Variants in HIVEP2 observed in about 807,000 individuals in gnomAD.
HIVEP2 encodes the protein HIVEP zinc finger 2.
A neutral mutation model predicts 180.7 loss-of-function variants in HIVEP2; 14 were observed. The observed-to-expected ratio is 0.08, with a 90% CI of 0.05 to 0.12. The LOEUF (loss-of-function observed/expected upper bound fraction) is 0.12, where lower values mean the gene tolerates loss of function less well. Among genes scored for constraint, HIVEP2 ranks in the 10% least tolerant of loss-of-function variants. The pLI is 1.00. For synonymous variants in HIVEP2, 1,184 were observed against 1,136.4 expected, an observed-to-expected ratio of 1.04 and a Z score of -0.84; for missense variants, 2,579 against 3,008.5, an observed-to-expected ratio of 0.86 and a Z score of 3.34.
chr6:142,806,480 T>G (rs913748243), intron 2 of HIVEP2, among the ~76,000 whole-genome samples: 1 of 152,184 alleles, frequency 6.6e-6, no homozygotes, highest in Non-Finnish European at 1.5e-5. Context: ...TACTTAATAT[T>G]GGGAATGTCT....
intron 1 of HIVEP2, among the ~76,000 whole-genome samples, chr6:142,864,007 G>A (rs569411814): frequency 1.3e-5 from 2 of 152,308 alleles, no homozygotes; most frequent in South Asian, 2.1e-4. Context: ...ATATGTGTGT[G>A]TTAGCAATTT....
At chr6:142,880,789 G>T (rs1162238380) in intron 1 of HIVEP2, among the ~76,000 whole-genome samples, 1 of 152,034 alleles carries the variant, frequency 6.6e-6, no homozygotes, top group Non-Finnish European at 1.5e-5. Context: ...CAATGCCTTG[G>T]CACAATTTGA....
At position 142,754,270 on chromosome 6, in the gene HIVEP2, C is replaced by CAA. The variant is rs34687776; in HGVS notation, c.6517-341_6517-340dup. ...TGAAAAGAAATTAATGGATAATTGG[C>CAA]AAAAAAAAAAAGTTTACTGAGCAAA... On this transcript the variant is annotated intron_variant, in intron 9 of 9. Coordinates refer to ENST00000367603, the MANE Select transcript of HIVEP2 (RefSeq NM_006734.4). Among the ~76,000 whole-genome samples, 825 of 132,878 alleles carry CAA rather than the reference C, an allele frequency of 6.2e-3. 5 individuals carry two copies. Among genetic ancestry groups the CAA allele is most frequent in the African/African-American group, 7.5e-3 (269 of 35,906 alleles). 87.2% of individuals were successfully genotyped at this position (132,878 alleles called of 152,430 possible).
intron 1 of HIVEP2, among the ~76,000 whole-genome samples, chr6:142,874,529 G>A (rs2128413231): frequency 6.6e-6 from 1 of 152,142 alleles, no homozygotes; most frequent in South Asian, 2.1e-4. Flanking sequence ...CTATCACCAA[G>A]GAGGTTCAAA....
At position 142,770,575 on chromosome 6, in the gene HIVEP2, T is replaced by C. The variant is rs771900516; in HGVS notation, c.4164A>G (p.Gly1388=). 8 of 1,614,092 alleles carry C rather than the reference T, an allele frequency of 5.0e-6. No homozygotes were observed. In the South Asian group the frequency reaches 8.8e-5, roughly 18 times the overall value. The change falls in exon 5 of 10, where the codon GGA becomes GGG. Residue 1388 remains glycine (G), a synonymous_variant. Coordinates refer to ENST00000367603, the MANE Select transcript of HIVEP2 (RefSeq NM_006734.4). The surrounding 1 kb of genome is among the most constrained non-coding windows in gnomAD (Gnocchi z 4.7). ...LVTNAAMQGI[G]FNIAQVLGQH... The stretch of plus-strand genomic sequence containing the variant: ...GCCCCAGCACCTGGGCAATGTTGAA[T>C]CCTATCCCTTGCATGGCTGCGTTGG...
At chr6:142,819,108 C>T (rs894181851) in intron 2 of HIVEP2, among the ~76,000 whole-genome samples, 2 of 152,026 alleles carry the variant, frequency 1.3e-5, no homozygotes, top group Non-Finnish European at 2.9e-5. Context: ...GTGGTGTGCA[C>T]CTGTAGTCCC....
intron 1 of HIVEP2, among the ~76,000 whole-genome samples, chr6:142,935,663 C>T (rs935398845): frequency 1.3e-5 from 2 of 152,086 alleles, no homozygotes; most frequent in African/African-American, 4.8e-5. Context: ...TCATGGCCCC[C>T]ATCTTATAGT....
Position 142,773,151 on chromosome 6 carries a change from G to T in HIVEP2, c.1588C>A (p.Leu530Ile). The T allele has an allele frequency of 6.2e-7, 1 of 1,614,220 alleles. No individual in the cohort carries two copies. ...PANFQGSNPV[L>I]LEAPVDSSPL... ...GAAGAGTCTACAGGAGCTTCTAAGA[G>T]AACCGGGTTGCTGCCTTGGAAGTTT... The change falls in exon 5 of 10, where the codon CTC becomes ATC. Residue 530 changes from leucine to isoleucine, a missense_variant. Physicochemically the swap from Leu to Ile is conservative, Grantham distance 5. This residue lies in a region of HIVEP2 where 524 missense variants were observed against 563.6 expected (regional missense o/e 0.93). Coordinates refer to ENST00000367603, the MANE Select transcript of HIVEP2 (RefSeq NM_006734.4).
chr6:142,818,194 TC>T (rs1451859650), intron 2 of HIVEP2, among the ~76,000 whole-genome samples: 1 of 152,148 alleles, frequency 6.6e-6, no homozygotes, highest in Non-Finnish European at 1.5e-5. Context: ...ACAGCCAGCT[TC>T]AAACACAGCT....
At chr6:142,853,296 G>T (rs1464105513) in intron 1 of HIVEP2, among the ~76,000 whole-genome samples, 1 of 152,180 alleles carries the variant, frequency 6.6e-6, no homozygotes, top group Non-Finnish European at 1.5e-5. Context: ...TACACTCCCA[G>T]TAGAGAAGGG....
chr6:142,860,814 AC>A (rs1333725831), intron 1 of HIVEP2, among the ~76,000 whole-genome samples: 1 of 152,190 alleles, frequency 6.6e-6, no homozygotes, highest in Non-Finnish European at 1.5e-5. Context: ...AGGTACTGGG[AC>A]CCCTGCTTTA....
intron 2 of HIVEP2, among the ~76,000 whole-genome samples, chr6:142,825,237 A>C (rs951437979): frequency 6.6e-6 from 1 of 151,944 alleles, no homozygotes; most frequent in African/African-American, 2.4e-5. Context: ...TTCATGTTTT[A>C]AATAGAGAAA....
chr6:142,812,527 G>C (rs190451122), intron 2 of HIVEP2, among the ~76,000 whole-genome samples: 5 of 152,092 alleles, frequency 3.3e-5, no homozygotes, highest in Admixed American at 3.3e-4. Flanking sequence ...ACAAACCTCC[G>C]TAAAATTTTT....
chr6:142,845,413 T>G (rs1775483158), intron 1 of HIVEP2, among the ~76,000 whole-genome samples: 1 of 152,208 alleles, frequency 6.6e-6, no homozygotes, highest in Non-Finnish European at 1.5e-5. Flanking sequence ...CCTCTCTCTC[T>G]TTCTCTCTTC....
chr6:142,919,535 A>T (rs1381505411), intron 1 of HIVEP2, among the ~76,000 whole-genome samples: 1 of 152,136 alleles, frequency 6.6e-6, no homozygotes, highest in Non-Finnish European at 1.5e-5. Flanking sequence ...TTTTTTTCAG[A>T]ATCACATTTC....
At chr6:142,873,230 G>A (rs1776340733) in intron 1 of HIVEP2, among the ~76,000 whole-genome samples, 1 of 152,080 alleles carries the variant, frequency 6.6e-6, no homozygotes. Context: ...CCACCTTTTG[G>A]GAAATCCTTT....
chr6:142,861,488 T>G (rs1775976129), intron 1 of HIVEP2, among the ~76,000 whole-genome samples: 1 of 152,242 alleles, frequency 6.6e-6, no homozygotes. Context: ...GTAATTCTAT[T>G]ACTTGAAGGT....
chr6:142,768,226 T>A (rs563635577), intron 6 of HIVEP2, among the ~76,000 whole-genome samples, 156 bp downstream of exon 6: 3 of 152,304 alleles, frequency 2.0e-5, no homozygotes, highest in African/African-American at 7.2e-5. Flanking sequence ...CATGAACTTA[T>A]GATCTATTAC....
chr6:142,855,284 G>A (rs937128048), intron 1 of HIVEP2, among the ~76,000 whole-genome samples: 1 of 152,172 alleles, frequency 6.6e-6, no homozygotes, highest in Non-Finnish European at 1.5e-5. Flanking sequence ...TGAGCTCCAG[G>A]CCACATGAGA....
Sources: gnomAD v4.1 joint callset for allele counts (sites outside exome capture counted in the v4.1 genomes callset) on GRCh38, gnomAD v4.1.1 for gene constraint, gnomAD v4.1.1 regional missense constraint, Gnocchi (gnomAD v3.1) non-coding constraint, MANE v1.5 for transcripts, NCBI Gene and HGNC (gene_info 2026-07-23, HGNC 2026-07-21) for gene names.